HSD17B3: variants seen among roughly 807,000 people sequenced by gnomAD.
The protein encoded by HSD17B3 is 17-beta-hydroxysteroid dehydrogenase type 3.
Under a neutral mutation model 41.1 loss-of-function variants are expected in HSD17B3, and 29 were observed. That is an observed-to-expected ratio of 0.71 (90% CI 0.53 to 0.96). The LOEUF (loss-of-function observed/expected upper bound fraction) is 0.96, where lower values mean the gene tolerates loss of function less well. Ranked by LOEUF, HSD17B3 falls within the 40% of genes least tolerant of loss-of-function variation. The probability of loss-of-function intolerance (pLI) is 0.00; values close to 1 mark genes in which losing one functional copy is unlikely to be tolerated. For missense variants in HSD17B3, 323 were observed against 374.6 expected, an observed-to-expected ratio of 0.86 and a Z score of 1.14; for synonymous variants, 126 against 145.6, an observed-to-expected ratio of 0.87 and a Z score of 0.97.
At chr9:96,287,608 G>A (rs1336841927) in intron 2 of HSD17B3, among the ~76,000 whole-genome samples, 8 of 152,148 alleles carry the variant, frequency 5.3e-5, no homozygotes, top group Non-Finnish European at 1.2e-4. Flanking sequence ...TACCAGGGAG[G>A]CTGAGGCAGG....
chr9:96,243,742 C>A (rs1397430539), intron 9 of HSD17B3, among the ~76,000 whole-genome samples: 1 of 152,200 alleles, frequency 6.6e-6, no homozygotes, highest in African/African-American at 2.4e-5. Context: ...GCAGTGACAG[C>A]CCAGCTCTGC....
At chr9:96,297,560 T>C (rs1361844000) in intron 2 of HSD17B3, among the ~76,000 whole-genome samples, 2 of 152,110 alleles carry the variant, frequency 1.3e-5, no homozygotes, top group African/African-American at 4.8e-5. Context: ...TTGGCCAGGC[T>C]GGTCTCGAAC....
chr9:96,246,819 G>A (rs544493704), intron 6 of HSD17B3, among the ~76,000 whole-genome samples: 28 of 152,298 alleles, frequency 1.8e-4, no homozygotes, highest in African/African-American at 6.5e-4. Flanking sequence ...TGGGGCCTCT[G>A]ATTTCTTCCC....
chr9:96,240,624 C>T (rs1417202389), intron 10 of HSD17B3, 134 bp downstream of exon 10: 4 of 936,012 alleles, frequency 4.3e-6, no homozygotes, highest in Admixed American at 3.6e-5. Flanking sequence ...CACCTCGCCA[C>T]ATAGTCCTTG....
At chr9:96,241,968 AGAAAG>A in intron 9 of HSD17B3, among the ~76,000 whole-genome samples, 1 of 142,422 alleles carries the variant, frequency 7.0e-6, no homozygotes, top group African/African-American at 2.8e-5. Flanking sequence ...AGAAAAAGAA[AGAAAG>A]AAAGAAAGAA....
At chr9:96,261,175 T>C (rs10117181) in intron 2 of HSD17B3, among the ~76,000 whole-genome samples, 67,520 of 151,962 alleles carry the variant, frequency 0.44, 15,487 homozygotes, top group East Asian at 0.64. Flanking sequence ...GAGCAGGAGA[T>C]TGTTGCTTCT....
chr9:96,278,609 C>T, intron 2 of HSD17B3, among the ~76,000 whole-genome samples: 1 of 152,214 alleles, frequency 6.6e-6, no homozygotes, highest in East Asian at 1.9e-4. Flanking sequence ...TCTAAGGCCA[C>T]AGCAATTACA....
intron 7 of HSD17B3, 110 bp from the exon 8 acceptor site, chr9:96,245,536 G>A: frequency 1.3e-6 from 1 of 786,850 alleles, no homozygotes; most frequent in Non-Finnish European, 2.2e-6. Flanking sequence ...CCCTTTCTAG[G>A]CTTCCGCAAG....
intron 9 of HSD17B3, among the ~76,000 whole-genome samples, chr9:96,241,960 A>AG (rs1224742571): frequency 4.0e-5 from 5 of 124,116 alleles, no homozygotes; most frequent in East Asian, 2.3e-4. Context: ...AAAAGAACAG[A>AG]AAAAGAAAGA....
chr9:96,289,632 G>T (rs1263646565), intron 2 of HSD17B3, among the ~76,000 whole-genome samples: 1 of 152,198 alleles, frequency 6.6e-6, no homozygotes, highest in African/African-American at 2.4e-5. Context: ...GATGCTCTTT[G>T]CCTGGTGGGC....
intron 7 of HSD17B3, 115 bp from the exon 8 acceptor site, chr9:96,245,541 C>T (rs185851899): frequency 1.1e-4 from 87 of 768,412 alleles, no homozygotes; most frequent in Non-Finnish European, 1.7e-4. Flanking sequence ...TCTAGGCTTC[C>T]GCAAGTGCTA....
At chr9:96,296,094 T>A (rs1032207674) in intron 2 of HSD17B3, among the ~76,000 whole-genome samples, 3 of 151,716 alleles carry the variant, frequency 2.0e-5, no homozygotes, top group African/African-American at 7.3e-5. Flanking sequence ...ACAAAAAATT[T>A]AAAAATTAGC....
intron 1 of HSD17B3, among the ~76,000 whole-genome samples, chr9:96,301,316 C>T (rs1331246608): frequency 2.6e-5 from 4 of 151,402 alleles, no homozygotes; most frequent in Admixed American, 6.6e-5. Context: ...CGGTGGCTCA[C>T]GCCTGTCATC....
At chr9:96,248,359 T>A (rs1439586185) in intron 6 of HSD17B3, among the ~76,000 whole-genome samples, 3 of 152,004 alleles carry the variant, frequency 2.0e-5, no homozygotes, top group East Asian at 3.9e-4. Flanking sequence ...AAAGAAAAAA[T>A]TTTTTGTCTA....
chr9:96,291,397 T>C (rs991000810), intron 2 of HSD17B3, among the ~76,000 whole-genome samples: 7 of 106,084 alleles, frequency 6.6e-5, no homozygotes, highest in Admixed American at 3.0e-4. Context: ...AAGTGGAGAA[T>C]TGAGCCCCCA....
intron 1 of HSD17B3, among the ~76,000 whole-genome samples, chr9:96,298,710 T>C (rs1406436448): frequency 1.3e-5 from 2 of 152,062 alleles, no homozygotes; most frequent in Non-Finnish European, 2.9e-5. Flanking sequence ...AGTTGGTGTT[T>C]TGGAGGGATT....
chr9:96,271,186 C>T (rs1432219987), intron 2 of HSD17B3, among the ~76,000 whole-genome samples: 2 of 152,040 alleles, frequency 1.3e-5, no homozygotes, highest in African/African-American at 2.4e-5. Flanking sequence ...CATGGTACAT[C>T]CATGGGATGG....
chr9:96,268,021 T>C (rs955429480), intron 2 of HSD17B3, among the ~76,000 whole-genome samples: 4 of 152,048 alleles, frequency 2.6e-5, no homozygotes, highest in Non-Finnish European at 5.9e-5. Flanking sequence ...GTCTCCTGGG[T>C]TCAAGCGATT....
chr9:96,243,938 C>T (rs569571898), intron 9 of HSD17B3, among the ~76,000 whole-genome samples: 1 of 152,342 alleles, frequency 6.6e-6, no homozygotes, highest in South Asian at 2.1e-4. Context: ...TTGTTTGCTT[C>T]TTCTCCAGAA....
Sources: gnomAD v4.1 joint callset for allele counts (sites outside exome capture counted in the v4.1 genomes callset) on GRCh38, gnomAD v4.1.1 for gene constraint, MANE v1.5 for transcripts, NCBI Gene and HGNC (gene_info 2026-07-23, HGNC 2026-07-21) for gene names.